The following RIC3 variants were observed in gnomAD, a reference collection of about 807,000 sequenced individuals.
The protein encoded by RIC3 is RIC3 acetylcholine receptor chaperone.
Under a neutral mutation model 27.3 loss-of-function variants are expected in RIC3, and 28 were observed. The ratio of observed to expected loss-of-function variants is 1.02; its 90% CI spans 0.76 to 1.41. The LOEUF (loss-of-function observed/expected upper bound fraction) is 1.41, where lower values mean the gene tolerates loss of function less well. RIC3 is among the 40% of genes most tolerant of loss of function. The pLI is 0.00. For missense variants in RIC3, 501 were observed against 444.7 expected, an observed-to-expected ratio of 1.13 and a Z score of -1.14; for synonymous variants, 184 against 160.4, an observed-to-expected ratio of 1.15 and a Z score of -1.11.
At chr11:8,093,610 C>A in the RIC3 span, among the ~76,000 whole-genome samples, 2 of 152,180 alleles carry the variant, frequency 1.3e-5, no homozygotes, top group African/African-American at 4.8e-5. Context: ...CCCGCAGAGC[C>A]CCCTCGTAGG....
chr11:8,157,841 C>G (rs1195672318), intron 1 of RIC3, among the ~76,000 whole-genome samples: 1 of 152,186 alleles, frequency 6.6e-6, no homozygotes, highest in African/African-American at 2.4e-5. Flanking sequence ...TACCCACTTA[C>G]CTGTACGTTT....
rs942428920 is a variant in RIC3 at position 8,151,455 on chromosome 11, G to A, written c.125-11262C>T. ...ACAAAAATTAGCCGGGCATGGTGGC[G>A]CGTGCCTGTAGTCCCAGCTACACGG... On this transcript the variant is annotated intron_variant, in intron 1 of 5. Transcript: ENST00000309737. Among the ~76,000 whole-genome samples the A allele has an allele frequency of 1.3e-4, 19 of 150,248 alleles. No homozygotes were observed. The South Asian group carries it at 1.5e-3, about 12-fold the overall frequency.
Position 8,119,594 on chromosome 11 carries a change from A to G in RIC3, c.670+7065T>C, listed in dbSNP as rs192620025. 6.3e-3 allele frequency among the ~76,000 whole-genome samples: 953 copies of G among 152,348 alleles called. 22 individuals are homozygous for G. Among genetic ancestry groups the G allele is most frequent in the Admixed American group, 0.051 (779 of 15,288 alleles). ...TTAGACCTAAAACCATAAAAACCCTAGAAGAAAACCTAGGCAATACCATTC... is the reference window on the plus strand; with the variant it reads ...TTAGACCTAAAACCATAAAAACCCTGGAAGAAAACCTAGGCAATACCATTC... On this transcript the variant is annotated intron_variant, in intron 5 of 5. Transcript: ENST00000309737.
chr11:8,111,222 A>G (rs1945227206), intron 5 of RIC3, 85 bp from the exon 6 acceptor site: 8 of 967,206 alleles, frequency 8.3e-6, no homozygotes, highest in Non-Finnish European at 1.2e-5. Flanking sequence ...GAGGATTCTC[A>G]GGCAGCAGCC....
intron 1 of RIC3, among the ~76,000 whole-genome samples, chr11:8,167,946 G>C (rs1211097342): frequency 1.3e-5 from 2 of 152,216 alleles, no homozygotes; most frequent in African/African-American, 4.8e-5. Flanking sequence ...ATGCTCAAGA[G>C]AATGGAACTA....
chr11:8,167,640 TAA>T (rs34530108), intron 1 of RIC3, among the ~76,000 whole-genome samples: 37 of 134,092 alleles, frequency 2.8e-4, no homozygotes, highest in Admixed American at 3.0e-4. Context: ...TAATGGAAAG[TAA>T]AAAAAAAAAA....
chr11:8,109,882 C>T lies in RIC3; in HGVS notation c.*816G>A, dbSNP rs562787713. 6.6e-6 allele frequency: 1 copy of T among 152,402 alleles called. No homozygotes were observed. The highest frequency in any genetic ancestry group is 1.9e-4 in the East Asian group (1 of 5,176). The allele number at this position is 152,402 out of a possible 1,614,324, so 9.4% of individuals were successfully genotyped here. A position where few individuals can be genotyped will look rare whatever the true frequency, so the allele number is the denominator to read the frequency against. On this transcript the variant is annotated 3_prime_UTR_variant, in exon 6 of 6. Coordinates refer to ENST00000309737, the MANE Select transcript of RIC3 (RefSeq NM_001206671.4). ...CAGGGCTTCCTGCAGCTTCAATGGC[C>T]TCAAGTCTTGACTCTGCAGGGCAGG...
chr11:8,161,180 G>C (rs1951129446), intron 1 of RIC3, among the ~76,000 whole-genome samples: 1 of 152,198 alleles, frequency 6.6e-6, no homozygotes, highest in Non-Finnish European at 1.5e-5. Flanking sequence ...GTAAGATACG[G>C]TGAACATAGA....
intron 4 of RIC3, among the ~76,000 whole-genome samples, chr11:8,133,639 T>C (rs974178497): frequency 1.3e-5 from 2 of 152,160 alleles, no homozygotes; most frequent in South Asian, 2.1e-4. Context: ...TTATAAAAAG[T>C]AAACATTCTG....
At chr11:8,093,983 G>A in the RIC3 span, 2 of 1,602,972 alleles carry the variant, frequency 1.2e-6, no homozygotes, top group South Asian at 1.1e-5. Context: ...GTGTTCAGGT[G>A]GGAGCTCTGG....
At chr11:8,095,492 C>A in the RIC3 span, 5 of 1,606,462 alleles carry the variant, frequency 3.1e-6, no homozygotes, top group Non-Finnish European at 4.3e-6. Flanking sequence ...TGTCCGTGGC[C>A]TGCAGGCACC....
intron 2 of RIC3, chr11:8,139,678 G>C (rs995138208): frequency 1.9e-5 from 2 of 107,456 alleles, no homozygotes; most frequent in Non-Finnish European, 3.3e-5. Context: ...GGAGTGCATT[G>C]AATTGTATCA....
At chr11:8,127,593 T>C (rs745518834) in intron 4 of RIC3, among the ~76,000 whole-genome samples, 7 of 152,192 alleles carry the variant, frequency 4.6e-5, no homozygotes, top group Non-Finnish European at 5.9e-5. Flanking sequence ...AACAGTTTGA[T>C]TGTTTTCTTC....
rs11824826 is a variant in RIC3, at chr11:8,166,922, G to A, written c.124+1944C>T. 3.0e-3 allele frequency among the ~76,000 whole-genome samples: 462 copies of A among 152,002 alleles called. 2 individuals are homozygous for A. The highest frequency in any genetic ancestry group is 0.01 in the African/African-American group (429 of 41,442). On this transcript the variant is annotated intron_variant, in intron 1 of 5. Coordinates refer to ENST00000309737, the MANE Select transcript of RIC3 (RefSeq NM_001206671.4). ...GAAAGGGGGCCAGGAAGAGAGGAAAGGAGGGAGGGAGGGACAGAGGGAGGA... is the reference window on the plus strand; with the variant it reads ...GAAAGGGGGCCAGGAAGAGAGGAAAAGAGGGAGGGAGGGACAGAGGGAGGA...
At chr11:8,136,275 A>C (rs1948407563) in intron 4 of RIC3, among the ~76,000 whole-genome samples, 1 of 152,222 alleles carries the variant, frequency 6.6e-6, no homozygotes, top group African/African-American at 2.4e-5. Context: ...ACTATAAAGG[A>C]TGGCAAATAG....
intron 1 of RIC3, among the ~76,000 whole-genome samples, chr11:8,144,891 G>A (rs1287132841): frequency 6.6e-4 from 100 of 151,446 alleles, no homozygotes; most frequent in African/African-American, 2.3e-3. Flanking sequence ...GGACATGGAT[G>A]AAATTGGAAA....
chr11:8,116,512 A>G (rs187302107), intron 5 of RIC3, among the ~76,000 whole-genome samples: 4 of 152,360 alleles, frequency 2.6e-5, no homozygotes, highest in African/African-American at 9.6e-5. Flanking sequence ...ATATTTGCAA[A>G]CCATATATTT....
At chr11:8,159,808 T>C (rs1346236587) in intron 1 of RIC3, among the ~76,000 whole-genome samples, 1 of 152,036 alleles carries the variant, frequency 6.6e-6, no homozygotes, top group African/African-American at 2.4e-5. Flanking sequence ...CTGGCCAACA[T>C]GGTGAAACTC....
At chr11:8,131,768 G>A (rs1947750031) in intron 4 of RIC3, among the ~76,000 whole-genome samples, 1 of 151,822 alleles carries the variant, frequency 6.6e-6, no homozygotes, top group African/African-American at 2.4e-5. Context: ...AGGCGTGGTG[G>A]CACATGCCTG....
Sources: allele counts gnomAD v4.1 joint callset (sites outside exome capture counted in the v4.1 genomes callset), GRCh38; gene constraint gnomAD v4.1.1; transcripts MANE v1.5; gene names NCBI Gene and HGNC (gene_info 2026-07-23, HGNC 2026-07-21).